The following LAMA2 variants were observed in gnomAD, a reference collection of about 807,000 sequenced individuals.
The protein encoded by LAMA2 is laminin subunit alpha-2.
In LAMA2, 269 loss-of-function variants were observed where a neutral mutation model predicts 364.8. The ratio of observed to expected loss-of-function variants is 0.74; its 90% CI spans 0.67 to 0.82. The LOEUF is 0.82. LAMA2 is among the 40% of genes least tolerant of loss of function. LAMA2 has a pLI of 0.00. For missense variants in LAMA2, 3,807 were observed against 3,873.2 expected (o/e 0.98, Z 0.45); for synonymous variants, 1,379 against 1,370.6 (o/e 1.01, Z -0.14).
intron 63 of LAMA2, among the ~76,000 whole-genome samples, chr6:129,513,104 A>G (rs963704709): frequency 7.2e-5 from 11 of 152,342 alleles, no homozygotes; most frequent in African/African-American, 2.6e-4. Context: ...CAGAGAAGGG[A>G]AAACAAGAAA....
At chr6:129,099,537 C>T (rs548502407) in intron 4 of LAMA2, among the ~76,000 whole-genome samples, 109 of 152,176 alleles carry the variant, frequency 7.2e-4, no homozygotes, top group African/African-American at 2.6e-3. Flanking sequence ...TCCATTGATA[C>T]TCATGTCTGA....
At chr6:129,239,640 C>T (rs1468011265) in intron 12 of LAMA2, among the ~76,000 whole-genome samples, 2 of 152,066 alleles carry the variant, frequency 1.3e-5, no homozygotes, top group Admixed American at 6.6e-5. Flanking sequence ...GAAATGGATA[C>T]CCTACAAAGC....
In LAMA2 at chr6:129,315,929, G is replaced by A. The variant is rs1774573699; in HGVS notation, c.3903G>A (p.Arg1301=). The A allele has an allele frequency of 1.2e-6, 2 of 1,614,044 alleles. No individual in the cohort carries two copies. Among genetic ancestry groups the A allele is most frequent in the Non-Finnish European group, 1.7e-6 (2 of 1,180,030 alleles). Reference sequence around the variant, plus strand: ...CTCCTCTGATTGGCCAATTGACAAGGCATGAAATTGAAATGACAGAGGTAA... The same window carrying A: ...CTCCTCTGATTGGCCAATTGACAAGACATGAAATTGAAATGACAGAGGTAA... ...MAAPLIGQLT[R]HEIEMTEKEW... Residue 1301 remains arginine (R), a synonymous_variant, in exon 26 of 65, where the codon AGG becomes AGA. Coordinates refer to ENST00000421865, the MANE Select transcript of LAMA2 (RefSeq NM_000426.4).
At chr6:129,088,581 C>T (rs1774562480) in intron 3 of LAMA2, among the ~76,000 whole-genome samples, 1 of 151,216 alleles carries the variant, frequency 6.6e-6, no homozygotes, top group African/African-American at 2.4e-5. Context: ...CTGCCCCCAC[C>T]TCCCTCCCGG....
intron 40 of LAMA2, among the ~76,000 whole-genome samples, chr6:129,406,027 G>C (rs6906869): frequency 0.5 from 75,648 of 151,306 alleles, 19,327 homozygotes; most frequent in African/African-American, 0.62. Context: ...TCAAGTAGTA[G>C]AGCAACCAAC....
intron 4 of LAMA2, among the ~76,000 whole-genome samples, chr6:129,132,043 C>T (rs1312755168): frequency 1.3e-5 from 2 of 152,128 alleles, no homozygotes; most frequent in African/African-American, 2.4e-5. Flanking sequence ...GGTCCTTAGT[C>T]GTCTACTCTG....
intron 1 of LAMA2, among the ~76,000 whole-genome samples, chr6:129,021,874 A>G (rs141501736): frequency 6.6e-6 from 1 of 152,334 alleles, no homozygotes; most frequent in African/African-American, 2.4e-5. Flanking sequence ...AATGCTACTT[A>G]CCTCTGTTTC....
At chr6:128,893,377 C>A (rs1425134103) in intron 1 of LAMA2, among the ~76,000 whole-genome samples, 1 of 151,516 alleles carries the variant, frequency 6.6e-6, no homozygotes, top group Non-Finnish European at 1.5e-5. Context: ...TGGCTCCTAA[C>A]CATTTGTTAT....
At chr6:129,288,337 T>TA (rs1233294431) in intron 19 of LAMA2, among the ~76,000 whole-genome samples, 1 of 152,170 alleles carries the variant, frequency 6.6e-6, no homozygotes, top group East Asian at 1.9e-4. Flanking sequence ...TTAATGAACT[T>TA]ATGTCCACAG....
chr6:129,262,153 A>G (rs1424576501), intron 15 of LAMA2, among the ~76,000 whole-genome samples: 2 of 152,140 alleles, frequency 1.3e-5, no homozygotes, highest in Admixed American at 6.6e-5. Context: ...TTAATTGGCT[A>G]TGCTTTTAGT....
intron 31 of LAMA2, among the ~76,000 whole-genome samples, chr6:129,352,847 A>G (rs1360329198): frequency 6.6e-6 from 1 of 152,200 alleles, no homozygotes; most frequent in Admixed American, 6.5e-5. Context: ...AACCTCAGGA[A>G]GAATCCAATT....
chr6:129,503,026 C>G, intron 59 of LAMA2, 65 bp from the exon 60 acceptor site: 1 of 1,419,828 alleles, frequency 7.0e-7, no homozygotes, highest in Non-Finnish European at 1.0e-6. Context: ...GATCTGATAC[C>G]GCTCTATTTT....
chr6:129,232,509 T>C (rs1784726034), intron 12 of LAMA2, among the ~76,000 whole-genome samples: 1 of 152,128 alleles, frequency 6.6e-6, no homozygotes, highest in Non-Finnish European at 1.5e-5. Flanking sequence ...CTGATTTTTT[T>C]CTCCATATTT....
intron 3 of LAMA2, among the ~76,000 whole-genome samples, chr6:129,092,794 A>G (rs900324201): frequency 4.0e-5 from 6 of 151,840 alleles, no homozygotes; most frequent in African/African-American, 1.5e-4. Context: ...ATTGTCTTCC[A>G]TAGAGAGTGA....
chr6:129,119,719 T>C (rs1433691625), intron 4 of LAMA2, among the ~76,000 whole-genome samples: 1 of 152,050 alleles, frequency 6.6e-6, no homozygotes, highest in Admixed American at 6.6e-5. Context: ...GGCTAATTTT[T>C]TTGTATTTTT....
intron 1 of LAMA2, among the ~76,000 whole-genome samples, chr6:128,932,834 C>T (rs368096866): frequency 3.9e-5 from 6 of 152,216 alleles, no homozygotes; most frequent in South Asian, 2.1e-4. Flanking sequence ...TTTGTGTGTG[C>T]GTGTTTGTTT....
chr6:128,989,813 G>A (rs77502130), intron 1 of LAMA2, among the ~76,000 whole-genome samples: 3,167 of 152,288 alleles, frequency 0.021, 112 homozygotes, highest in African/African-American at 0.071. Flanking sequence ...CAGTCTGGAG[G>A]CTGGGAAGTC....
intron 12 of LAMA2, among the ~76,000 whole-genome samples, chr6:129,194,099 T>C (rs1368026129): frequency 6.6e-6 from 1 of 152,118 alleles, no homozygotes; most frequent in East Asian, 1.9e-4. Flanking sequence ...AGTCATTTTA[T>C]CCTATTCTAT....
rs773853463 is a variant in LAMA2 at position 129,513,422 on chromosome 6, A to G, written c.8988+929A>G. On this transcript the variant is annotated intron_variant, in intron 63 of 64. Coordinates refer to ENST00000421865, the MANE Select transcript of LAMA2 (RefSeq NM_000426.4). ...TAACATGCTCTTAAGGGCAGTTACCATCGATATGTCACTATCATGTGCGTT... is the reference window on the plus strand; with the variant it reads ...TAACATGCTCTTAAGGGCAGTTACCGTCGATATGTCACTATCATGTGCGTT... Among the ~76,000 whole-genome samples the G allele has an allele frequency of 3.9e-5, 6 of 152,320 alleles. No homozygotes were observed. In the South Asian group the frequency reaches 6.2e-4, roughly 16 times the overall value.
Sources: gnomAD v4.1 joint callset for allele counts (sites outside exome capture counted in the v4.1 genomes callset) on GRCh38, gnomAD v4.1.1 for gene constraint, MANE v1.5 for transcripts, NCBI Gene and HGNC (gene_info 2026-07-23, HGNC 2026-07-21) for gene names.